TMEM132B: variants seen among roughly 807,000 people sequenced by gnomAD.
TMEM132B encodes the protein transmembrane protein 132B.
TMEM132B carries 18 observed loss-of-function variants against 90.8 expected under a neutral mutation model. The ratio of observed to expected loss-of-function variants is 0.20; its 90% CI spans 0.14 to 0.29. The LOEUF (loss-of-function observed/expected upper bound fraction) is 0.29. TMEM132B is among the 10% of genes least tolerant of loss of function. The pLI is 1.00. For synonymous variants in TMEM132B, 504 were observed against 523.3 expected (o/e 0.96, Z 0.50); for missense variants, 1,096 against 1,326.8 (o/e 0.83, Z 2.70).
intron 3 of TMEM132B, among the ~76,000 whole-genome samples, chr12:125,434,303 C>T (rs1880633127): frequency 1.3e-5 from 2 of 152,204 alleles, no homozygotes; most frequent in African/African-American, 4.8e-5. Context: ...ATAATCTCCC[C>T]ACCCCAGGAA....
chr12:125,304,154 T>G (rs1875898857), intron 1 of TMEM132B, among the ~76,000 whole-genome samples: 2 of 152,330 alleles, frequency 1.3e-5, no homozygotes, highest in Admixed American at 6.5e-5. Context: ...TGTGCTCCTA[T>G]GAGAATCTAA....
intron 1 of TMEM132B, among the ~76,000 whole-genome samples, chr12:125,312,137 T>C (rs780068237): frequency 1.3e-5 from 2 of 152,218 alleles, no homozygotes; most frequent in East Asian, 1.9e-4. Flanking sequence ...CTTCCAGTTT[T>C]TCAAGAGAAG....
At position 125,349,997 on chromosome 12, in the gene TMEM132B, C is replaced by G. The variant is rs970587183; in HGVS notation, c.613C>G (p.Leu205Val). The part of the protein sequence containing the change: ...LPEWFSSGLD[L>V]EPEEEIPALL... Reference sequence around the variant, plus strand: ...CGAGTGGTTCAGCTCAGGCCTGGACCTGGAACCAGAGGAGGAGATCCCAGC... The same window carrying G: ...CGAGTGGTTCAGCTCAGGCCTGGACGTGGAACCAGAGGAGGAGATCCCAGC... Residue 205 changes from leucine (L) to valine (V), a missense_variant, in exon 2 of 9, where the codon CTG (leucine) becomes GTG (valine). Coordinates refer to ENST00000682704, the MANE Select transcript of TMEM132B (RefSeq NM_001366854.1). This position sits in a 1 kb window ranked among gnomAD's most constrained non-coding sequence, Gnocchi z 4.1. The G allele has an allele frequency of 7.4e-6, 12 of 1,614,080 alleles. No homozygotes were observed. Among genetic ancestry groups the G allele is most frequent in the Admixed American group, 3.3e-5 (2 of 60,010 alleles).
chr12:125,419,208 G>A (rs148909930), intron 3 of TMEM132B, among the ~76,000 whole-genome samples: 228 of 152,324 alleles, frequency 1.5e-3, no homozygotes, highest in African/African-American at 5.0e-3. Context: ...CCACGTTGCT[G>A]TAACCCAACT....
intron 4 of TMEM132B, among the ~76,000 whole-genome samples, chr12:125,554,404 G>A (rs925135002): frequency 1.2e-4 from 15 of 128,426 alleles, no homozygotes; most frequent in African/African-American, 3.0e-4. Context: ...TAGCCTGGGC[G>A]ACAAAGTGAG....
chr12:125,380,892 A>G (rs1878661419), intron 2 of TMEM132B, among the ~76,000 whole-genome samples: 2 of 152,160 alleles, frequency 1.3e-5, no homozygotes, highest in African/African-American at 2.4e-5. Flanking sequence ...TAGGGGTGCT[A>G]TCAGCTCCCT....
intron 1 of TMEM132B, among the ~76,000 whole-genome samples, chr12:125,317,898 G>A (rs1445365697): frequency 6.6e-6 from 1 of 152,224 alleles, no homozygotes; most frequent in African/African-American, 2.4e-5. Flanking sequence ...ACGAAGACGT[G>A]TGTGAGAATT....
At chr12:125,268,325 T>C (rs1230650859) in intron 1 of TMEM132B, among the ~76,000 whole-genome samples, 2 of 152,222 alleles carry the variant, frequency 1.3e-5, no homozygotes, top group Non-Finnish European at 2.9e-5. Context: ...GAATTTATCA[T>C]TCAGAGAGAT....
At chr12:125,340,334 C>T (rs1485667438) in intron 1 of TMEM132B, among the ~76,000 whole-genome samples, 2 of 152,048 alleles carry the variant, frequency 1.3e-5, no homozygotes, top group African/African-American at 4.8e-5. Context: ...GAATTCAGTG[C>T]GTGCTAATTT....
chr12:125,605,197 A>C (rs1004064817), intron 5 of TMEM132B, among the ~76,000 whole-genome samples: 1 of 152,314 alleles, frequency 6.6e-6, no homozygotes, highest in African/African-American at 2.4e-5. Context: ...CGTTGAGATA[A>C]TTATCTTTCT....
At chr12:125,298,629 G>A (rs1449348148) in intron 1 of TMEM132B, among the ~76,000 whole-genome samples, 1 of 139,722 alleles carries the variant, frequency 7.2e-6, no homozygotes, top group African/African-American at 2.7e-5. Context: ...AGCCGAGATC[G>A]CGTCACTGCA....
intron 3 of TMEM132B, among the ~76,000 whole-genome samples, chr12:125,421,435 C>A (rs1344916556): frequency 1.3e-5 from 2 of 152,144 alleles, no homozygotes; most frequent in African/African-American, 2.4e-5. Flanking sequence ...GGGGAACTCC[C>A]CTCTATAAAA....
At chr12:125,341,868 C>G (rs560152069) in intron 1 of TMEM132B, among the ~76,000 whole-genome samples, 2 of 152,256 alleles carry the variant, frequency 1.3e-5, no homozygotes, top group South Asian at 4.1e-4. Context: ...AAGGAGCTTA[C>G]TTTTGTGGGG....
intron 3 of TMEM132B, among the ~76,000 whole-genome samples, chr12:125,432,413 A>G (rs867286816): frequency 2.1e-4 from 14 of 67,498 alleles, no homozygotes; most frequent in South Asian, 5.0e-4. Context: ...GTATGTGTAT[A>G]TATATATATG....
In TMEM132B at chr12:125,406,546, C is replaced by G. The variant is rs1327741952; in HGVS notation, c.960-8985C>G. Among the ~76,000 whole-genome samples the G allele has an allele frequency of 6.6e-6, 1 of 152,234 alleles. No homozygotes were observed. Among genetic ancestry groups the G allele is most frequent in the East Asian group, 1.9e-4 (1 of 5,196 alleles). On this transcript the variant is annotated intron_variant, in intron 2 of 8. Transcript: ENST00000682704. This position sits in a 1 kb window ranked among gnomAD's most constrained non-coding sequence, Gnocchi z 8.3. Reference sequence around the variant, plus strand: ...CTCCTCTTTGCATTTCCAAGTGCTTCATGTGTAGTACCTGAAACTCAAGAA... The same window carrying G: ...CTCCTCTTTGCATTTCCAAGTGCTTGATGTGTAGTACCTGAAACTCAAGAA...
rs1333045810 is a variant in TMEM132B, at chr12:125,186,491, C to T, written c.-309C>T. On this transcript the variant is annotated 5_prime_UTR_variant, in exon 1 of 9. Transcript: ENST00000682704. This position sits in a 1 kb window ranked among gnomAD's most constrained non-coding sequence, Gnocchi z 6.3. ...GACGGGCGCTGGGGCGCAGGAGCCG[C>T]GGCGGCGGCGGCGGCGGGGGCCGCG... 6.8e-6 allele frequency among the ~76,000 whole-genome samples: 1 copy of T among 146,000 alleles called. No homozygotes were observed. Among genetic ancestry groups the T allele is most frequent in the Non-Finnish European group, 1.5e-5 (1 of 65,644 alleles).
At chr12:125,293,337 C>A (rs1194752089) in intron 1 of TMEM132B, among the ~76,000 whole-genome samples, 2 of 152,088 alleles carry the variant, frequency 1.3e-5, no homozygotes, top group East Asian at 3.8e-4. Flanking sequence ...GGTACTTGTG[C>A]AGGTTTGTTA....
chr12:125,251,570 C>T lies in TMEM132B; in HGVS notation c.67+64704C>T, dbSNP rs1396465372. On this transcript the variant is annotated intron_variant, in intron 1 of 8. Transcript: ENST00000682704. This position sits in a 1 kb window ranked among gnomAD's most constrained non-coding sequence, Gnocchi z 4.4. The stretch of plus-strand genomic sequence containing the variant: ...GATAGGCACTTGATTATAAAGAAAC[C>T]TTTCTCTACCATAAGAAAAATAGCA... Among the ~76,000 whole-genome samples the T allele has an allele frequency of 6.6e-6, 1 of 152,114 alleles. No individual in the cohort carries two copies. Among genetic ancestry groups the T allele is most frequent in the Non-Finnish European group, 1.5e-5 (1 of 68,026 alleles).
intron 1 of TMEM132B, among the ~76,000 whole-genome samples, chr12:125,311,180 G>A (rs543307907): frequency 3.3e-5 from 5 of 152,226 alleles, no homozygotes; most frequent in South Asian, 2.1e-4. Flanking sequence ...TCTTTCTTAC[G>A]GATGCTCCTG....
Sources: gnomAD v4.1 joint callset for allele counts (sites outside exome capture counted in the v4.1 genomes callset) on GRCh38, gnomAD v4.1.1 for gene constraint, Gnocchi (gnomAD v3.1) non-coding constraint, MANE v1.5 for transcripts, NCBI Gene and HGNC (gene_info 2026-07-23, HGNC 2026-07-21) for gene names.